HMGB1: variants seen among roughly 807,000 people sequenced by gnomAD.
The protein encoded by HMGB1 is high mobility group protein B1.
For missense variants in HMGB1, 79 were observed against 253.5 expected (o/e 0.31, Z 4.67); for synonymous variants, 81 against 84.0 (o/e 0.96, Z 0.19).
chr13:30,514,020 C>A lies in HMGB1; in HGVS notation c.-14-50326G>T, dbSNP rs150314981. Among the ~76,000 whole-genome samples the A allele has an allele frequency of 3.1e-3, 473 of 151,974 alleles. 2 individuals carry two copies. Among genetic ancestry groups the A allele is most frequent in the African/African-American group, 0.011 (462 of 41,484 alleles). On this transcript the variant is annotated intron_variant, in intron 1 of 4. Coordinates refer to the HMGB1 transcript ENST00000405805. The stretch of plus-strand genomic sequence containing the variant: ...CGCCTCAGCTCCCAAAGTGCTGGGA[C>A]TACAGGTGTGAACCACTGCATCTGG...
intron 1 of HMGB1, among the ~76,000 whole-genome samples, chr13:30,600,882 T>G (rs895649955): frequency 2.6e-5 from 4 of 152,174 alleles, no homozygotes; most frequent in Non-Finnish European, 1.5e-5. Flanking sequence ...TCAGAGCTTG[T>G]TGATAGCAAA....
intron 1 of HMGB1, among the ~76,000 whole-genome samples, chr13:30,474,506 G>A (rs4353357): frequency 0.22 from 33,456 of 152,154 alleles, 3,733 homozygotes; most frequent in Middle Eastern, 0.29. Context: ...TGACCGTAAT[G>A]AGTATGCCCA....
chr13:30,572,587 T>C (rs1421793489), intron 1 of HMGB1, among the ~76,000 whole-genome samples: 1 of 152,226 alleles, frequency 6.6e-6, no homozygotes. Context: ...TTTTCTAGTA[T>C]TTCACCAGAG....
intron 1 of HMGB1, among the ~76,000 whole-genome samples, chr13:30,612,372 G>A (rs1950520798): frequency 6.6e-6 from 1 of 152,176 alleles, no homozygotes; most frequent in African/African-American, 2.4e-5. Flanking sequence ...CCAAGGATGA[G>A]AAGACAGTTA....
chr13:30,461,639 C>G (rs1886343289), intron 4 of HMGB1, 106 bp from the exon 5 acceptor site: 1 of 1,585,912 alleles, frequency 6.3e-7, no homozygotes, highest in Non-Finnish European at 8.6e-7. Context: ...CTAGTTATAC[C>G]AAAATATCAC....
intron 1 of HMGB1, among the ~76,000 whole-genome samples, chr13:30,487,123 C>T (rs1887382647): frequency 6.6e-6 from 1 of 152,190 alleles, no homozygotes; most frequent in African/African-American, 2.4e-5. Flanking sequence ...TGTGAGAATG[C>T]AGTGAATGTG....
At position 30,538,825 on chromosome 13, in the gene HMGB1, CT is replaced by C. The variant is rs1027358219; in HGVS notation, c.-14-75132del. 3.0e-5 allele frequency among the ~76,000 whole-genome samples: 4 copies of C among 135,098 alleles called. No individual in the cohort carries two copies. The East Asian group carries it at 8.4e-4, about 28-fold the overall frequency. 88.6% of individuals were successfully genotyped at this position (135,098 alleles called of 152,430 possible). A position where few individuals can be genotyped will look rare whatever the true frequency, so the allele number is the denominator to read the frequency against. ...TTTCTCTCTCTCTCCCCCTTTCTTT[CT>C]TTTTTCTTTTTTTCGAAGATGATAC... On this transcript the variant is annotated intron_variant, in intron 1 of 4. Coordinates refer to the HMGB1 transcript ENST00000405805.
In HMGB1 at chr13:30,463,697, A is replaced by T. The variant is rs759749872; in HGVS notation, c.-14-3T>A. The T allele has an allele frequency of 6.6e-7, 1 of 1,517,866 alleles. No individual in the cohort carries two copies. The highest frequency in any genetic ancestry group is 1.4e-5 in the African/African-American group (1 of 71,754). 94.0% of individuals were successfully genotyped at this position (1,517,866 alleles called of 1,614,324 possible). A position where few individuals can be genotyped will look rare whatever the true frequency, so the allele number is the denominator to read the frequency against. On this transcript the variant is annotated splice_polypyrimidine_tract_variant and splice_region_variant and intron_variant, in intron 1 of 4. Coordinates refer to ENST00000341423, the MANE Select transcript of HMGB1 (RefSeq NM_002128.7). ...TTTGCCCATGTTTAGTTATTTTTCT[A>T]AAAAATAAAATAAATATTTGATGTT...
At chr13:30,557,685 C>T (rs1369334982) in intron 1 of HMGB1, among the ~76,000 whole-genome samples, 6 of 152,154 alleles carry the variant, frequency 3.9e-5, no homozygotes, top group Non-Finnish European at 7.3e-5. Flanking sequence ...GAGTCTATGC[C>T]GAGACAAATG....
chr13:30,523,440 C>T (rs75201249), intron 1 of HMGB1, among the ~76,000 whole-genome samples: 14,504 of 152,188 alleles, frequency 0.095, 815 homozygotes, highest in East Asian at 0.19. Flanking sequence ...AAGTCAACTT[C>T]GAATCACTGG....
intron 1 of HMGB1, among the ~76,000 whole-genome samples, chr13:30,522,805 T>G (rs1041906607): frequency 6.6e-6 from 1 of 152,074 alleles, no homozygotes. Context: ...AACCTCCACT[T>G]CCCAGGCACA....
Position 30,591,350 on chromosome 13 carries a change from A to G in HMGB1, c.-15+25321T>C, listed in dbSNP as rs565930112. Among the ~76,000 whole-genome samples the G allele has an allele frequency of 7.2e-5, 11 of 152,136 alleles. No individual in the cohort carries two copies. In the South Asian group the frequency reaches 1.0e-3, roughly 14 times the overall value. ...CCTGGCCGAGGCACAGTGTTTTTAC[A>G]GAGAAGCCTGTTTAAGGTTTAATCA... On this transcript the variant is annotated intron_variant, in intron 1 of 4. Coordinates refer to the HMGB1 transcript ENST00000405805.
At chr13:30,463,476 C>T (rs1044194244) in intron 2 of HMGB1, 55 bp downstream of exon 2, 6 of 1,563,254 alleles carry the variant, frequency 3.8e-6, no homozygotes, top group Non-Finnish European at 5.2e-6. Flanking sequence ...TTTTTGCATC[C>T]TCAATTGGAA....
intron 1 of HMGB1, chr13:30,554,487 T>C: frequency 2.9e-6 from 3 of 1,040,612 alleles, no homozygotes; most frequent in South Asian, 1.3e-5. Flanking sequence ...ATGGCTATAA[T>C]AGAAGGAGCA....
intron 1 of HMGB1, among the ~76,000 whole-genome samples, chr13:30,575,796 G>C (rs1473570167): frequency 1.3e-5 from 2 of 152,156 alleles, no homozygotes; most frequent in African/African-American, 4.8e-5. Flanking sequence ...CCTGCCTGTA[G>C]TCCAGCTATT....
rs1888077061 is a variant in HMGB1 at position 30,515,250 on chromosome 13, T to C, written c.-14-51556A>G. ...CCTCAGTTACAGAGCCACAAGGAAGTGGATTCTGCCAACAGAACCTGAATG... is the reference window on the plus strand; with the variant it reads ...CCTCAGTTACAGAGCCACAAGGAAGCGGATTCTGCCAACAGAACCTGAATG... On this transcript the variant is annotated intron_variant, in intron 1 of 4. Coordinates refer to the HMGB1 transcript ENST00000405805. Among the ~76,000 whole-genome samples, 3 of 152,196 alleles carry C rather than the reference T, an allele frequency of 2.0e-5. 1 individual carries two copies. In the South Asian group the frequency reaches 6.2e-4, roughly 32 times the overall value.
chr13:30,537,510 T>C (rs1868493346), intron 1 of HMGB1, among the ~76,000 whole-genome samples: 1 of 151,838 alleles, frequency 6.6e-6, no homozygotes, highest in Non-Finnish European at 1.5e-5. Flanking sequence ...TGTTTTTGAA[T>C]TTTTATAGAA....
intron 1 of HMGB1, among the ~76,000 whole-genome samples, chr13:30,592,906 C>T (rs1213019385): frequency 6.7e-6 from 1 of 149,188 alleles, no homozygotes; most frequent in African/African-American, 2.5e-5. Flanking sequence ...TGGGACACTT[C>T]ATATAGTGCA....
intron 1 of HMGB1, among the ~76,000 whole-genome samples, chr13:30,583,306 G>A (rs1870985045): frequency 6.6e-6 from 1 of 152,070 alleles, no homozygotes; most frequent in Non-Finnish European, 1.5e-5. Flanking sequence ...ACCAAGATGG[G>A]AGGATCACTT....
Sources: allele counts gnomAD v4.1 joint callset (sites outside exome capture counted in the v4.1 genomes callset), GRCh38; gene constraint gnomAD v4.1.1; transcripts MANE v1.5; gene names NCBI Gene and HGNC (gene_info 2026-07-23, HGNC 2026-07-21).